Variants in SIM1 observed in about 807,000 individuals in gnomAD.
The protein encoded by SIM1 is single-minded homolog 1.
SIM1 carries 18 observed loss-of-function variants against 78.2 expected under a neutral mutation model. That is an observed-to-expected ratio of 0.23 (90% CI 0.16 to 0.34). The LOEUF is 0.34. Ranked by LOEUF, SIM1 falls within the 10% of genes least tolerant of loss-of-function variation. The pLI, the probability that SIM1 is intolerant of heterozygous loss-of-function variation, is 1.00. For synonymous variants in SIM1, 417 were observed against 385.2 expected (o/e 1.08, Z -0.97); for missense variants, 939 against 975.1 (o/e 0.96, Z 0.49).
chr6:100,418,168 C>T (rs1438459336), intron 10 of SIM1, among the ~76,000 whole-genome samples: 1 of 151,594 alleles, frequency 6.6e-6, no homozygotes, highest in Non-Finnish European at 1.5e-5. Context: ...AGTGAGACTC[C>T]CATGTCTACA....
At chr6:100,414,275 CATCTT>C (rs1299671373) in intron 10 of SIM1, among the ~76,000 whole-genome samples, 1 of 152,188 alleles carries the variant, frequency 6.6e-6, no homozygotes, top group African/African-American at 2.4e-5. Flanking sequence ...TGACCAACGA[CATCTT>C]ATAATTCCTC....
chr6:100,425,357 A>G (rs1022410731), intron 9 of SIM1, among the ~76,000 whole-genome samples: 9 of 152,198 alleles, frequency 5.9e-5, no homozygotes, highest in Admixed American at 2.0e-4. Context: ...TTAGCTTCTA[A>G]AATCTATTGC....
chr6:100,402,738 T>A (rs372528634), intron 10 of SIM1, among the ~76,000 whole-genome samples: 1 of 151,894 alleles, frequency 6.6e-6, no homozygotes, highest in Non-Finnish European at 1.5e-5. Context: ...CCACCACGCC[T>A]GGCTAATTTT....
Position 100,424,745 on chromosome 6 carries a change from A to G in SIM1, c.999-3787T>C, listed in dbSNP as rs369059616. Among the ~76,000 whole-genome samples the G allele has an allele frequency of 3.9e-5, 6 of 152,070 alleles. No individual in the cohort carries two copies. The South Asian group carries it at 8.3e-4, about 21-fold the overall frequency. ...GGTGAGCCACCATGATGAGCCTTGG[A>G]TTTGGTGAAGTTTAGATGAAATATT... is the stretch of plus-strand genomic sequence containing the variant. On this transcript the variant is annotated intron_variant, in intron 9 of 11. Coordinates refer to ENST00000369208, the MANE Select transcript of SIM1 (RefSeq NM_005068.3).
intron 2 of SIM1, among the ~76,000 whole-genome samples, chr6:100,456,813 C>A (rs1468082319): frequency 3.9e-5 from 6 of 152,198 alleles, no homozygotes; most frequent in African/African-American, 1.4e-4. Context: ...CTTTACCCTC[C>A]GTGCTTAGTT....
At chr6:100,424,072 A>T (rs995092180) in intron 9 of SIM1, among the ~76,000 whole-genome samples, 1 of 59,124 alleles carries the variant, frequency 1.7e-5, no homozygotes, top group African/African-American at 6.9e-5. Context: ...CCCCCCTCCC[A>T]CCCCCCGCCC....
In SIM1 at chr6:100,390,484, G is replaced by T; in HGVS notation, c.2178C>A (p.Thr726=). Residue 726 remains threonine, a synonymous_variant, in exon 12 of 12, where the codon ACC becomes ACA. Transcript: ENST00000369208. ...TACAGCCCAAGGAATAGTTTCTAATGGTTTCGCTGTCATATAAGTGCTCCA... is the reference window on the plus strand; with the variant it reads ...TACAGCCCAAGGAATAGTTTCTAATTGTTTCGCTGTCATATAAGTGCTCCA... ...YALEHLYDSE[T]IRNYSLGCNG... 3 of 1,614,126 alleles carry T rather than the reference G, an allele frequency of 1.9e-6. No homozygotes were observed. The highest frequency in any genetic ancestry group is 2.5e-6 in the Non-Finnish European group (3 of 1,180,022).
intron 10 of SIM1, among the ~76,000 whole-genome samples, chr6:100,412,739 GAAA>G (rs1562240175): frequency 4.4e-5 from 6 of 135,946 alleles, no homozygotes; most frequent in African/African-American, 1.6e-4. Context: ...AAGAAAGAAA[GAAA>G]GAAAGAAAGA....
chr6:100,458,877 A>C (rs1772760647), intron 2 of SIM1, among the ~76,000 whole-genome samples: 1 of 152,236 alleles, frequency 6.6e-6, no homozygotes. Flanking sequence ...ATTCCTAAAT[A>C]ATTGAGGTTC....
intron 4 of SIM1, 27 bp from the exon 5 acceptor site, chr6:100,449,726 C>T (rs1327445573): frequency 6.3e-7 from 1 of 1,594,182 alleles, no homozygotes; most frequent in African/African-American, 1.3e-5. Flanking sequence ...GTCGCCGTCG[C>T]CGTGGCGGTG....
In SIM1 at chr6:100,458,126, C is replaced by T. The variant is rs1582327669; in HGVS notation, c.176-4282G>A. ...GGGCTTCCCGTAGGGATAGAGCCTG[C>T]GGGCCAACCTGGCTGCCCGAGTTGG... is the stretch of plus-strand genomic sequence containing the variant. On this transcript the variant is annotated intron_variant, in intron 2 of 11. Coordinates refer to ENST00000369208, the MANE Select transcript of SIM1 (RefSeq NM_005068.3). Among the ~76,000 whole-genome samples the T allele has an allele frequency of 3.3e-5, 5 of 151,728 alleles. No individual in the cohort carries two copies. The South Asian group carries it at 1.0e-3, about 32-fold the overall frequency.
At chr6:100,461,841 C>CTTTCTT (rs1772863257) in intron 2 of SIM1, among the ~76,000 whole-genome samples, 2 of 113,354 alleles carry the variant, frequency 1.8e-5, no homozygotes, top group African/African-American at 3.6e-5. Flanking sequence ...TTCTTTCTTT[C>CTTTCTT]TTTTTTTTTT....
chr6:100,448,311 A>T, intron 7 of SIM1, 59 bp from the exon 8 acceptor site: 1 of 1,448,262 alleles, frequency 6.9e-7, no homozygotes, highest in East Asian at 2.4e-5. Flanking sequence ...TGCCCTCCCC[A>T]CACACCCTCG....
chr6:100,422,223 GA>G lies in SIM1; in HGVS notation c.999-1266del, dbSNP rs1771609810. On this transcript the variant is annotated intron_variant, in intron 9 of 11. Transcript: ENST00000369208. ...TAAAACCTGATAATTTTTTTTTTAA[GA>G]GAAGTGTCTCACTCTGTCACCCAGG... is the stretch of plus-strand genomic sequence containing the variant. Among the ~76,000 whole-genome samples, 4 of 151,370 alleles carry G rather than the reference GA, an allele frequency of 2.6e-5. No individual in the cohort carries two copies. The South Asian group carries it at 8.3e-4, about 32-fold the overall frequency.
chr6:100,400,854 A>G (rs185297720), intron 10 of SIM1, among the ~76,000 whole-genome samples: 10 of 152,192 alleles, frequency 6.6e-5, no homozygotes, highest in Non-Finnish European at 1.3e-4. Context: ...TTTTGCAATC[A>G]CCTCAATAAA....
intron 2 of SIM1, among the ~76,000 whole-genome samples, chr6:100,456,587 T>A (rs1772669690): frequency 6.6e-6 from 1 of 152,218 alleles, no homozygotes; most frequent in Non-Finnish European, 1.5e-5. Flanking sequence ...TCAGCTAAAG[T>A]GGCCGAAGAC....
rs556292956 is a variant in SIM1, at chr6:100,434,853, G to A, written c.998+12415C>T. Among the ~76,000 whole-genome samples the A allele has an allele frequency of 5.3e-5, 8 of 152,192 alleles. No individual in the cohort carries two copies. In the South Asian group the frequency reaches 1.2e-3, roughly 24 times the overall value. ...CCATATTAGCACGCTTTACTGATGC[G>A]GATACAACAAATTCTGTTTGAACAA... On this transcript the variant is annotated intron_variant, in intron 9 of 11. Transcript: ENST00000369208.
In SIM1 at chr6:100,448,223, T is replaced by C; in HGVS notation, c.773A>G (p.Gln258Arg). Residue 258 changes from glutamine (Q) to arginine (R), a missense_variant, in exon 8 of 12, where the codon CAG becomes CGG. Gln to Arg is a conservative substitution (Grantham distance 43). Coordinates refer to ENST00000369208, the MANE Select transcript of SIM1 (RefSeq NM_005068.3). ...GTACAGAGTCTTCTCAATCAGGTCC[T>C]GAGGTTCGTACCCCGTCAGCTCCGC... ...RVAELTGYEP[Q>R]DLIEKTLYHH... 6.2e-7 allele frequency: 1 copy of C among 1,613,710 alleles called. No individual in the cohort carries two copies. The highest frequency in any genetic ancestry group is 8.5e-7 in the Non-Finnish European group (1 of 1,179,892).
chr6:100,429,782 T>C (rs1771854112), intron 9 of SIM1, among the ~76,000 whole-genome samples: 1 of 152,232 alleles, frequency 6.6e-6, no homozygotes. Flanking sequence ...TGTACTTTCA[T>C]TTCATATTAA....
Sources: allele counts gnomAD v4.1 joint callset (sites outside exome capture counted in the v4.1 genomes callset), GRCh38; gene constraint gnomAD v4.1.1; transcripts MANE v1.5; gene names NCBI Gene and HGNC (gene_info 2026-07-23, HGNC 2026-07-21).